CLYBL: variants seen among roughly 807,000 people sequenced by gnomAD.
The protein encoded by CLYBL is citramalyl-CoA lyase, mitochondrial.
In CLYBL, 31 loss-of-function variants were observed where a neutral mutation model predicts 38.9. That is an observed-to-expected ratio of 0.80 (90% confidence interval 0.60 to 1.08). CLYBL has a LOEUF of 1.08. Ranked by LOEUF, CLYBL falls within the 50% of genes least tolerant of loss-of-function variation. CLYBL has a pLI of 0.00. For synonymous variants in CLYBL, 171 were observed against 158.6 expected, an observed-to-expected ratio of 1.08 and a Z score of -0.59; for missense variants, 434 against 411.6, an observed-to-expected ratio of 1.05 and a Z score of -0.47.
At chr13:99,875,997 C>A (rs1006678879) in intron 7 of CLYBL, among the ~76,000 whole-genome samples, 1 of 148,108 alleles carries the variant, frequency 6.8e-6, no homozygotes, top group East Asian at 2.0e-4. Flanking sequence ...CACAAAATTG[C>A]GAAATTTTAA....
intron 1 of CLYBL, among the ~76,000 whole-genome samples, chr13:99,702,940 A>G (rs1321959380): frequency 6.6e-6 from 1 of 152,238 alleles, no homozygotes; most frequent in Non-Finnish European, 1.5e-5. Context: ...GGTGAGAGGA[A>G]TACTTTCCAC....
intron 8 of CLYBL, among the ~76,000 whole-genome samples, chr13:99,904,793 A>G (rs72656022): frequency 0.021 from 3,186 of 152,362 alleles, 45 homozygotes; most frequent in Non-Finnish European, 0.035. Flanking sequence ...GTAACAGCTC[A>G]GCCAAGTGAG....
intron 1 of CLYBL, among the ~76,000 whole-genome samples, chr13:99,730,426 G>A (rs1048418615): frequency 1.1e-4 from 17 of 151,702 alleles, no homozygotes; most frequent in African/African-American, 4.1e-4. Flanking sequence ...AGAGCAGAAA[G>A]CTTTGGGCGT....
intron 1 of CLYBL, among the ~76,000 whole-genome samples, chr13:99,738,274 G>T (rs547928097): frequency 6.6e-6 from 1 of 152,294 alleles, no homozygotes; most frequent in South Asian, 2.1e-4. Flanking sequence ...TTCTGGGATA[G>T]GCTTCTGTGT....
At chr13:99,624,156 G>A (rs984512011) in intron 1 of CLYBL, among the ~76,000 whole-genome samples, 3 of 151,972 alleles carry the variant, frequency 2.0e-5, no homozygotes, top group Admixed American at 6.6e-5. Context: ...AGAGCACCCC[G>A]TTCTTCATTG....
chr13:99,738,733 A>C (rs547890978), intron 1 of CLYBL, among the ~76,000 whole-genome samples: 3 of 152,270 alleles, frequency 2.0e-5, no homozygotes, highest in Non-Finnish European at 4.4e-5. Flanking sequence ...TAGATCACTC[A>C]GTTTATGAGT....
At chr13:99,756,185 A>G (rs1171815684) in intron 1 of CLYBL, among the ~76,000 whole-genome samples, 1 of 152,188 alleles carries the variant, frequency 6.6e-6, no homozygotes, top group Non-Finnish European at 1.5e-5. Context: ...CATGATTTTC[A>G]AACAAGGGAA....
intron 2 of CLYBL, among the ~76,000 whole-genome samples, chr13:99,831,237 G>A (rs2050797730): frequency 6.6e-6 from 1 of 152,198 alleles, no homozygotes; most frequent in Non-Finnish European, 1.5e-5. Flanking sequence ...ATACATTTTT[G>A]TTGTTTTAAG....
chr13:99,635,791 A>G (rs894668098), intron 1 of CLYBL, among the ~76,000 whole-genome samples: 3 of 152,328 alleles, frequency 2.0e-5, no homozygotes, highest in Admixed American at 6.5e-5. Context: ...GAGCTCAGGC[A>G]AGTTGTTTAA....
At chr13:99,671,793 A>AAAAT (rs1566605429) in intron 1 of CLYBL, among the ~76,000 whole-genome samples, 4 of 129,084 alleles carry the variant, frequency 3.1e-5, no homozygotes, top group Admixed American at 8.1e-5. Context: ...AAAAAAAAAA[A>AAAAT]AATAATAAAA....
chr13:99,826,475 T>G (rs2050698012), intron 2 of CLYBL, among the ~76,000 whole-genome samples: 1 of 152,330 alleles, frequency 6.6e-6, no homozygotes, highest in African/African-American at 2.4e-5. Flanking sequence ...TGGACAGCCC[T>G]GACTGATACA....
chr13:99,702,875 G>A (rs909464906), intron 1 of CLYBL, among the ~76,000 whole-genome samples: 2 of 152,178 alleles, frequency 1.3e-5, no homozygotes, highest in African/African-American at 4.8e-5. Flanking sequence ...TACATAAGAA[G>A]CTGACAACAT....
At chr13:99,805,398 A>G (rs1241880050) in intron 2 of CLYBL, among the ~76,000 whole-genome samples, 2 of 152,114 alleles carry the variant, frequency 1.3e-5, no homozygotes, top group African/African-American at 4.8e-5. Context: ...AAACAAGTTA[A>G]TTTGAAGAGA....
At chr13:99,782,332 C>T (rs1473156113) in intron 2 of CLYBL, among the ~76,000 whole-genome samples, 2 of 152,230 alleles carry the variant, frequency 1.3e-5, no homozygotes, top group South Asian at 4.1e-4. Context: ...CATGGTGAAA[C>T]CTTATCTCTA....
chr13:99,749,898 G>A (rs1403566145), intron 1 of CLYBL, among the ~76,000 whole-genome samples: 2 of 152,156 alleles, frequency 1.3e-5, no homozygotes, highest in Non-Finnish European at 2.9e-5. Context: ...AGGGTACTTG[G>A]GAACTTAGCA....
At chr13:99,710,354 G>A (rs1594132294) in intron 1 of CLYBL, among the ~76,000 whole-genome samples, 1 of 152,190 alleles carries the variant, frequency 6.6e-6, no homozygotes, top group East Asian at 1.9e-4. Context: ...GCAGTCACGG[G>A]GCCGCACATG....
At position 99,849,514 on chromosome 13, in the gene CLYBL, TA is replaced by T. The variant is rs1487105670; in HGVS notation, c.250-9340del. ...GCTGACACAGCAAGACCCTGTCTCT[TA>T]AAAAAAGTCTGTGCAAAGTGTACGT... On this transcript the variant is annotated intron_variant, in intron 2 of 8. Coordinates refer to ENST00000339105, the MANE Select transcript of CLYBL (RefSeq NM_206808.5). This position sits in a 1 kb window ranked among gnomAD's most constrained non-coding sequence, Gnocchi z 4.9. 6.6e-6 allele frequency among the ~76,000 whole-genome samples: 1 copy of T among 152,014 alleles called. No individual in the cohort carries two copies. Among genetic ancestry groups the T allele is most frequent in the East Asian group, 1.9e-4 (1 of 5,180 alleles).
chr13:99,890,744 A>G (rs1222546888), intron 7 of CLYBL, among the ~76,000 whole-genome samples: 6 of 152,170 alleles, frequency 3.9e-5, no homozygotes, highest in Non-Finnish European at 7.3e-5. Context: ...CTGGGATTAC[A>G]GGTGTGAGCC....
intron 1 of CLYBL, among the ~76,000 whole-genome samples, chr13:99,678,064 C>T (rs183322189): frequency 3.5e-4 from 53 of 152,300 alleles, no homozygotes; most frequent in African/African-American, 1.1e-3. Context: ...TACATTTGCG[C>T]GTGTTTTCCA....
Sources: allele counts gnomAD v4.1 joint callset (sites outside exome capture counted in the v4.1 genomes callset), GRCh38; gene constraint gnomAD v4.1.1; non-coding constraint Gnocchi (gnomAD v3.1); transcripts MANE v1.5; gene names NCBI Gene and HGNC (gene_info 2026-07-23, HGNC 2026-07-21).